MAPK9: variants seen among roughly 807,000 people sequenced by gnomAD.
MAPK9 encodes mitogen-activated protein kinase 9, also known as Jun kinase.
A neutral mutation model predicts 57.1 loss-of-function variants in MAPK9; 30 were observed. That is an observed-to-expected ratio of 0.53 (90% CI 0.39 to 0.71). MAPK9 has a LOEUF of 0.71. Among genes scored for constraint, MAPK9 ranks in the 30% least tolerant of loss-of-function variants. MAPK9 has a pLI of 0.00. For missense variants in MAPK9, 362 were observed against 521.0 expected (o/e 0.69, Z 2.97); for synonymous variants, 155 against 177.0 (o/e 0.88, Z 0.99).
At chr5:180,241,653 G>T (rs895682049) in intron 8 of MAPK9, among the ~76,000 whole-genome samples, 1 of 152,222 alleles carries the variant, frequency 6.6e-6, no homozygotes, top group Non-Finnish European at 1.5e-5. Flanking sequence ...GACAAACCAG[G>T]TTTCCAAATG....
intron 5 of MAPK9, among the ~76,000 whole-genome samples, chr5:180,257,397 CCA>C (rs560495810): frequency 9.0e-4 from 137 of 152,328 alleles, no homozygotes; most frequent in African/African-American, 2.6e-3. Context: ...AGCTTCTTCC[CCA>C]CAGATTTCAG....
At chr5:180,251,059 ATCT>A (rs1437913802) in intron 5 of MAPK9, among the ~76,000 whole-genome samples, 1 of 152,234 alleles carries the variant, frequency 6.6e-6, no homozygotes, top group African/African-American at 2.4e-5. Context: ...TCTCACAAAA[ATCT>A]TCTTTAAAAA....
At chr5:180,287,502 A>T (rs1461510526) in intron 1 of MAPK9, among the ~76,000 whole-genome samples, 1 of 152,240 alleles carries the variant, frequency 6.6e-6, no homozygotes, top group African/African-American at 2.4e-5. Flanking sequence ...GACTGCCTGG[A>T]GAATAAGATT....
Position 180,247,214 on chromosome 5 carries a change from A to G in MAPK9, c.688+225T>C. 1.7e-6 allele frequency: 1 copy of G among 576,336 alleles called. No individual in the cohort carries two copies. Among genetic ancestry groups the G allele is most frequent in the Non-Finnish European group, 3.0e-6 (1 of 327,948 alleles). 35.7% of individuals were successfully genotyped at this position (576,336 alleles called of 1,614,324 possible). A position where few individuals can be genotyped will look rare whatever the true frequency, so the allele number is the denominator to read the frequency against. ...GAGCTAATATAATCGGTTTAACTGAACTCTAAGTCTCAAAGTCATCACAGG... is the reference window on the plus strand; with the variant it reads ...GAGCTAATATAATCGGTTTAACTGAGCTCTAAGTCTCAAAGTCATCACAGG... On this transcript the variant is annotated intron_variant, in intron 7 of 11. Coordinates refer to ENST00000452135, the MANE Select transcript of MAPK9 (RefSeq NM_002752.5). This position sits in a 1 kb window ranked among gnomAD's most constrained non-coding sequence, Gnocchi z 4.5.
At chr5:180,277,131 T>C (rs1761893220) in intron 2 of MAPK9, among the ~76,000 whole-genome samples, 1 of 152,256 alleles carries the variant, frequency 6.6e-6, no homozygotes, top group Admixed American at 6.5e-5. Context: ...ACTGTTGCTG[T>C]TATATTTCTC....
intron 1 of MAPK9, among the ~76,000 whole-genome samples, chr5:180,289,448 T>C (rs1360014318): frequency 1.3e-5 from 2 of 152,030 alleles, no homozygotes; most frequent in African/African-American, 2.4e-5. Context: ...AAACATTAAA[T>C]AGATTGGTGG....
intron 4 of MAPK9, among the ~76,000 whole-genome samples, chr5:180,263,724 G>C (rs959515160): frequency 1.0e-4 from 4 of 38,826 alleles, no homozygotes; most frequent in Non-Finnish European, 2.2e-4. Flanking sequence ...TTTTTTTTTT[G>C]AGACAGAGTC....
intron 2 of MAPK9, 85 bp from the exon 3 acceptor site, chr5:180,269,494 CT>C: frequency 7.8e-7 from 1 of 1,280,120 alleles, no homozygotes; most frequent in Non-Finnish European, 1.1e-6. Context: ...AATATATCAT[CT>C]TTTTAATAAG....
In MAPK9 at chr5:180,233,994, T is replaced by A. The variant is rs531920099; in HGVS notation, c.*2390A>T. 6.6e-6 allele frequency: 1 copy of A among 152,322 alleles called. No homozygotes were observed. Among genetic ancestry groups the A allele is most frequent in the South Asian group, 2.1e-4 (1 of 4,822 alleles). The allele number at this position is 152,322 out of a possible 1,614,324, so 9.4% of individuals were successfully genotyped here. On this transcript the variant is annotated 3_prime_UTR_variant, in exon 12 of 12. Transcript: ENST00000452135. Reference sequence around the variant, plus strand: ...GCTCTCCTGCTCTCACAGAACTCTGTCTGCTCTCTGGACTCTGCCCTTGAA... The same window carrying A: ...GCTCTCCTGCTCTCACAGAACTCTGACTGCTCTCTGGACTCTGCCCTTGAA...
chr5:180,260,930 G>T (rs1288569447), intron 5 of MAPK9, among the ~76,000 whole-genome samples: 4 of 131,656 alleles, frequency 3.0e-5, no homozygotes, highest in African/African-American at 1.2e-4. Flanking sequence ...CTGAAGTATT[G>T]GTATCAAATT....
At chr5:180,265,528 C>T (rs973556582) in intron 3 of MAPK9, among the ~76,000 whole-genome samples, 3 of 152,216 alleles carry the variant, frequency 2.0e-5, no homozygotes, top group Admixed American at 6.5e-5. Context: ...TCTCTCCTGC[C>T]GCCTTGTGAA....
chr5:180,262,184 G>A (rs557597591), intron 4 of MAPK9, among the ~76,000 whole-genome samples: 6 of 152,092 alleles, frequency 3.9e-5, no homozygotes, highest in Non-Finnish European at 8.8e-5. Flanking sequence ...TGCTGAGAAC[G>A]GGGGAGGCTC....
intron 1 of MAPK9, among the ~76,000 whole-genome samples, chr5:180,284,284 T>C (rs1482085437): frequency 6.6e-6 from 1 of 152,224 alleles, no homozygotes; most frequent in Non-Finnish European, 1.5e-5. Context: ...TGCTGGTTCC[T>C]CCCCCTCAGC....
rs35421153 is a variant in MAPK9 at position 180,242,708 on chromosome 5, C to A, written c.736G>T (p.Ala246Ser). ...GGCTGAAGTTTCTTCATGAACTCTG[C>A]TGATGGTGTTCCCAGCTGCTCAATA... ...KVIEQLGTPS[A>S]EFMKKLQPTV... The change falls in exon 8 of 12, where the codon GCA (alanine) becomes TCA (serine). Residue 246 changes from alanine to serine, a missense_variant. Around this residue, in one of 3 missense-constraint regions of MAPK9, gnomAD observed 199 missense variants for 251.3 expected, o/e 0.79. Coordinates refer to ENST00000452135, the MANE Select transcript of MAPK9 (RefSeq NM_002752.5). 12 of 1,613,998 alleles carry A rather than the reference C, an allele frequency of 7.4e-6. No individual in the cohort carries two copies. The highest frequency in any genetic ancestry group is 2.2e-5 in the South Asian group (2 of 91,084).
At chr5:180,253,127 C>T (rs187866420) in intron 5 of MAPK9, among the ~76,000 whole-genome samples, 1 of 152,212 alleles carries the variant, frequency 6.6e-6, no homozygotes, top group South Asian at 2.1e-4. Context: ...CAGCCAGGGG[C>T]CGACCGGGCA....
At chr5:180,240,593 C>T (rs532136645) in intron 9 of MAPK9, among the ~76,000 whole-genome samples, 3 of 152,244 alleles carry the variant, frequency 2.0e-5, no homozygotes, top group East Asian at 1.9e-4. Context: ...GAAACACGCA[C>T]GTGAGCACCA....
Position 180,280,689 on chromosome 5 carries a change from G to GTA in MAPK9, c.-47-83_-47-82dup, listed in dbSNP as rs1214206477. ...ACGTAAGAGAGTTCTGAACTTATTG[G>GTA]TATGTAAGACAATGTGGCTGTAAGT... On this transcript the variant is annotated intron_variant, in intron 1 of 11. Transcript: ENST00000452135. 2.7e-6 allele frequency: 3 copies of GTA among 1,117,614 alleles called. No homozygotes were observed. In the African/African-American group the frequency reaches 4.7e-5, roughly 18 times the overall value. 69.2% of individuals were successfully genotyped at this position (1,117,614 alleles called of 1,614,324 possible). A position where few individuals can be genotyped will look rare whatever the true frequency, so the allele number is the denominator to read the frequency against.
intron 3 of MAPK9, among the ~76,000 whole-genome samples, chr5:180,267,068 G>A (rs13185784): frequency 0.3 from 45,553 of 151,976 alleles, 7,420 homozygotes; most frequent in African/African-American, 0.43. Context: ...AACATTGCAC[G>A]AGGAGAAAAG....
chr5:180,246,777 GT>G (rs1758148834), intron 7 of MAPK9: 1 of 152,282 alleles, frequency 6.6e-6, no homozygotes, highest in Admixed American at 6.5e-5. Context: ...TACAGTATGA[GT>G]TTATCTCTTT....
Sources: allele counts gnomAD v4.1 joint callset (sites outside exome capture counted in the v4.1 genomes callset), GRCh38; gene constraint gnomAD v4.1.1; regional missense constraint gnomAD v4.1.1; non-coding constraint Gnocchi (gnomAD v3.1); transcripts MANE v1.5; gene names NCBI Gene and HGNC (gene_info 2026-07-23, HGNC 2026-07-21).